Variants in TNIK observed in about 807,000 individuals in gnomAD.
The protein encoded by TNIK is TRAF2 and NCK interacting kinase.
In TNIK, 49 loss-of-function variants were observed where a neutral mutation model predicts 191.3. That is an observed-to-expected ratio of 0.26 (90% CI 0.20 to 0.32). The LOEUF is 0.32. Ranked by LOEUF, TNIK falls within the 10% of genes least tolerant of loss-of-function variation. The probability of loss-of-function intolerance (pLI) is 1.00; values close to 1 mark genes in which losing one functional copy is unlikely to be tolerated. For missense variants in TNIK, 1,155 were observed against 1,702.3 expected, an observed-to-expected ratio of 0.68 and a Z score of 5.66; for synonymous variants, 594 against 600.9, an observed-to-expected ratio of 0.99 and a Z score of 0.17.
intron 8 of TNIK, 23 bp downstream of exon 8, chr3:171,177,303 T>C (rs752432767): frequency 6.2e-7 from 1 of 1,600,084 alleles, no homozygotes; most frequent in Non-Finnish European, 8.5e-7. Flanking sequence ...GCAACAGATT[T>C]CACCCCAGAG....
chr3:171,273,873 T>A (rs1243736563), intron 2 of TNIK, among the ~76,000 whole-genome samples: 1 of 152,208 alleles, frequency 6.6e-6, no homozygotes, highest in African/African-American at 2.4e-5. Context: ...AGTGAGAATA[T>A]CTGTGAATTA....
At position 171,328,800 on chromosome 3, in the gene TNIK, C is replaced by T. The variant is rs980021666; in HGVS notation, c.123+40820G>A. 2.6e-5 allele frequency among the ~76,000 whole-genome samples: 4 copies of T among 152,286 alleles called. No individual in the cohort carries two copies. In the East Asian group the frequency reaches 7.7e-4, roughly 29 times the overall value. On this transcript the variant is annotated intron_variant, in intron 2 of 32. Coordinates refer to ENST00000436636, the MANE Select transcript of TNIK (RefSeq NM_015028.4). Reference sequence around the variant, plus strand: ...TGGATTCTGCCTGCCTTTCCTCATGCCCTCTAAGGGAGTCTCTCTGCCCCT... The same window carrying T: ...TGGATTCTGCCTGCCTTTCCTCATGTCCTCTAAGGGAGTCTCTCTGCCCCT...
At position 171,325,098 on chromosome 3, in the gene TNIK, C is replaced by CAAAA. The variant is rs750141741; in HGVS notation, c.123+44518_123+44521dup. Among the ~76,000 whole-genome samples the CAAAA allele has an allele frequency of 6.4e-4, 96 of 150,662 alleles. 1 individual carries two copies. Among genetic ancestry groups the CAAAA allele is most frequent in the Admixed American group, 1.1e-3 (16 of 15,184 alleles). ...CCTGGGCAACAGAGCCAGACTGTCT[C>CAAAA]AAAATAAATAAATAAATAAATAAAT... is the stretch of plus-strand genomic sequence containing the variant. On this transcript the variant is annotated intron_variant, in intron 2 of 32. Coordinates refer to ENST00000436636, the MANE Select transcript of TNIK (RefSeq NM_015028.4).
chr3:171,413,726 A>G (rs1353055350), intron 1 of TNIK, among the ~76,000 whole-genome samples: 1 of 152,132 alleles, frequency 6.6e-6, no homozygotes, highest in Non-Finnish European at 1.5e-5. Context: ...CTCCCTCCTC[A>G]AGGATACTAT....
intron 2 of TNIK, among the ~76,000 whole-genome samples, chr3:171,316,864 T>A (rs1054849869): frequency 6.6e-6 from 1 of 150,730 alleles, no homozygotes; most frequent in Admixed American, 6.6e-5. Context: ...CCTAAGGAAC[T>A]AAGAACTATA....
chr3:171,096,299 C>T (rs1351091943), intron 22 of TNIK, among the ~76,000 whole-genome samples: 1 of 152,030 alleles, frequency 6.6e-6, no homozygotes, highest in Non-Finnish European at 1.5e-5. Flanking sequence ...TCCTTTCCCC[C>T]TCATATCCAC....
intron 17 of TNIK, among the ~76,000 whole-genome samples, chr3:171,125,078 GCTT>G (rs768677992): frequency 1.3e-5 from 2 of 152,106 alleles, no homozygotes; most frequent in Non-Finnish European, 2.9e-5. Flanking sequence ...TTGAGTAAAA[GCTT>G]CTTTTTCTTC....
intron 1 of TNIK, among the ~76,000 whole-genome samples, chr3:171,413,181 T>G (rs940589950): frequency 2.0e-5 from 3 of 152,244 alleles, no homozygotes; most frequent in African/African-American, 7.2e-5. Flanking sequence ...TATTTTTACT[T>G]ACATTCAATC....
chr3:171,223,493 A>G (rs1187302114), intron 3 of TNIK, among the ~76,000 whole-genome samples: 1 of 152,180 alleles, frequency 6.6e-6, no homozygotes, highest in Non-Finnish European at 1.5e-5. Flanking sequence ...ATTAAACACT[A>G]CATGAATTGA....
At chr3:171,304,343 TA>T (rs1455327363) in intron 2 of TNIK, among the ~76,000 whole-genome samples, 1 of 151,982 alleles carries the variant, frequency 6.6e-6, no homozygotes, top group Non-Finnish European at 1.5e-5. Context: ...TGGCGATCAT[TA>T]AAAAGTCAGG....
At position 171,123,780 on chromosome 3, in the gene TNIK, A is replaced by G. The variant is rs149623186; in HGVS notation, c.2014-78T>C. 6.8e-3 allele frequency: 7,253 copies of G among 1,073,390 alleles called. 33 individuals are homozygous for G. The highest frequency in any genetic ancestry group is 7.6e-3 in the Non-Finnish European group (5,760 of 756,438). 66.5% of individuals were successfully genotyped at this position (1,073,390 alleles called of 1,614,324 possible). A position where few individuals can be genotyped will look rare whatever the true frequency, so the allele number is the denominator to read the frequency against. On this transcript the variant is annotated intron_variant, in intron 17 of 32. Transcript: ENST00000436636. ...TGTTGTCAGAAAATCCTCCTTTCCAATGATTTGCCAGAAGCCACAGAAACT... is the reference window on the plus strand; with the variant it reads ...TGTTGTCAGAAAATCCTCCTTTCCAGTGATTTGCCAGAAGCCACAGAAACT...
intron 2 of TNIK, among the ~76,000 whole-genome samples, chr3:171,336,634 A>T (rs1353960692): frequency 6.6e-6 from 1 of 152,152 alleles, no homozygotes; most frequent in African/African-American, 2.4e-5. Flanking sequence ...TCTGCTTGAG[A>T]GGTAGGCAAA....
intron 2 of TNIK, among the ~76,000 whole-genome samples, chr3:171,271,054 C>T (rs1749029014): frequency 1.3e-5 from 2 of 152,190 alleles, no homozygotes; most frequent in African/African-American, 4.8e-5. Context: ...CCTCTGAGTA[C>T]ACTGCCTGAT....
At chr3:171,213,235 G>A (rs1741057818) in intron 3 of TNIK, among the ~76,000 whole-genome samples, 1 of 152,048 alleles carries the variant, frequency 6.6e-6, no homozygotes, top group Non-Finnish European at 1.5e-5. Context: ...TGCTGTATGG[G>A]GCCAAATAAT....
chr3:171,238,424 C>A (rs1029583789), intron 2 of TNIK, among the ~76,000 whole-genome samples: 10 of 150,944 alleles, frequency 6.6e-5, no homozygotes, highest in African/African-American at 1.9e-4. Flanking sequence ...TTTTTAATCC[C>A]AAAAAATGTA....
At chr3:171,404,948 A>G (rs78691985) in intron 1 of TNIK, among the ~76,000 whole-genome samples, 1,536 of 152,316 alleles carry the variant, frequency 0.01, 34 homozygotes, top group African/African-American at 0.035. Flanking sequence ...GAAACCCAGC[A>G]TCTTATTTTT....
chr3:171,191,246 C>A (rs1383863205), intron 5 of TNIK, among the ~76,000 whole-genome samples: 1 of 152,192 alleles, frequency 6.6e-6, no homozygotes, highest in Non-Finnish European at 1.5e-5. Context: ...TATCCAATTT[C>A]ATTGAATGAT....
chr3:171,397,280 G>C lies in TNIK; in HGVS notation c.58-27595C>G, dbSNP rs1451606000. On this transcript the variant is annotated intron_variant, in intron 1 of 32. Transcript: ENST00000436636. ...AGTCTGCTACACTCCCCTTTTGTTA[G>C]CCACAGACAGATTGATGGACAGAGT... Among the ~76,000 whole-genome samples the C allele has an allele frequency of 2.0e-5, 3 of 152,150 alleles. No individual in the cohort carries two copies. In the East Asian group the frequency reaches 5.8e-4, roughly 29 times the overall value.
intron 21 of TNIK, chr3:171,106,619 C>T (rs768421716): frequency 3.9e-6 from 2 of 515,516 alleles, no homozygotes; most frequent in African/African-American, 1.9e-5. Flanking sequence ...CTACAACTGA[C>T]AAAGCCATAT....
Sources: allele counts gnomAD v4.1 joint callset (sites outside exome capture counted in the v4.1 genomes callset), GRCh38; gene constraint gnomAD v4.1.1; transcripts MANE v1.5; gene names NCBI Gene and HGNC (gene_info 2026-07-23, HGNC 2026-07-21).